Variants in CCDC18 observed in about 807,000 individuals in gnomAD.
CCDC18 encodes the protein coiled-coil domain-containing protein 18.
Under a neutral mutation model 196.0 loss-of-function variants are expected in CCDC18, and 157 were observed. The observed-to-expected ratio is 0.80, with a 90% CI of 0.70 to 0.91. CCDC18 has a LOEUF of 0.91. Ranked by LOEUF, CCDC18 falls within the 40% of genes least tolerant of loss-of-function variation. The pLI is 0.00. For missense variants in CCDC18, 1,465 were observed against 1,611.6 expected (o/e 0.91, Z 1.56); for synonymous variants, 482 against 529.2 (o/e 0.91, Z 1.22).
At chr1:93,275,177 A>G (rs529247032) in intron 28 of CCDC18, among the ~76,000 whole-genome samples, 97 of 152,036 alleles carry the variant, frequency 6.4e-4, no homozygotes, top group Non-Finnish European at 1.0e-4. Flanking sequence ...GTGGCACGAG[A>G]GCTCACTGCA....
intron 3 of CCDC18, among the ~76,000 whole-genome samples, chr1:93,184,676 T>G (rs1169772498): frequency 6.6e-6 from 1 of 151,884 alleles, no homozygotes; most frequent in African/African-American, 2.4e-5. Flanking sequence ...ACTCAACTCT[T>G]TTATCTCCTT....
intron 16 of CCDC18, among the ~76,000 whole-genome samples, chr1:93,224,925 T>G (rs896611252): frequency 6.6e-6 from 1 of 152,234 alleles, no homozygotes; most frequent in African/African-American, 2.4e-5. Context: ...ATAATTTTCA[T>G]AAAACAAATG....
intron 10 of CCDC18, among the ~76,000 whole-genome samples, chr1:93,211,363 C>T (rs1214019031): frequency 6.6e-6 from 1 of 151,344 alleles, no homozygotes; most frequent in Non-Finnish European, 1.5e-5. Flanking sequence ...TCTGTGATTC[C>T]ACAACTAAGA....
At chr1:93,238,038 G>T (rs1305065802) in intron 19 of CCDC18, among the ~76,000 whole-genome samples, 2 of 152,054 alleles carry the variant, frequency 1.3e-5, no homozygotes, top group Non-Finnish European at 2.9e-5. Flanking sequence ...ATGAAACTTT[G>T]AGGCATATAC....
chr1:93,188,961 C>T (rs1473000934), intron 4 of CCDC18, among the ~76,000 whole-genome samples: 3 of 152,080 alleles, frequency 2.0e-5, no homozygotes, highest in Non-Finnish European at 2.9e-5. Context: ...AGGCATTTAT[C>T]GTTTGTGTTA....
At chr1:93,278,407 G>C in intron 28 of CCDC18, 56 bp from the exon 29 acceptor site, 1 of 729,418 alleles carries the variant, frequency 1.4e-6, no homozygotes, top group Non-Finnish European at 2.1e-6. Flanking sequence ...GACTTTTAAT[G>C]CTAAATCAGT....
At chr1:93,253,534 T>C (rs1233540158) in intron 23 of CCDC18, among the ~76,000 whole-genome samples, 2 of 152,176 alleles carry the variant, frequency 1.3e-5, no homozygotes, top group African/African-American at 4.8e-5. Context: ...CAAGGAGGCT[T>C]AGACTCCTAG....
chr1:93,218,682 G>A (rs889070421), intron 14 of CCDC18, among the ~76,000 whole-genome samples: 1 of 152,042 alleles, frequency 6.6e-6, no homozygotes, highest in South Asian at 2.1e-4. Context: ...GCTAATTTTT[G>A]TATTTTTAGT....
chr1:93,237,492 T>G lies in CCDC18; in HGVS notation c.2603+1102T>G, dbSNP rs377352095. On this transcript the variant is annotated intron_variant, in intron 19 of 28. Transcript: ENST00000690025. Reference sequence around the variant, plus strand: ...CTTCTACTGTGCCTTTTGAACTTCATAATCCATTCTCTGTATTCACTACTT... The same window carrying G: ...CTTCTACTGTGCCTTTTGAACTTCAGAATCCATTCTCTGTATTCACTACTT... 8.2e-4 allele frequency among the ~76,000 whole-genome samples: 125 copies of G among 152,340 alleles called. 5 individuals are homozygous for G. In the South Asian group the frequency reaches 0.026, roughly 32 times the overall value.
At chr1:93,243,165 T>C (rs1365301032) in intron 21 of CCDC18, among the ~76,000 whole-genome samples, 1 of 152,234 alleles carries the variant, frequency 6.6e-6, no homozygotes, top group Non-Finnish European at 1.5e-5. Flanking sequence ...CATGAAGCCC[T>C]GCCTCAGCAG....
chr1:93,186,216 T>C (rs1650650044), intron 3 of CCDC18, 129 bp from the exon 4 acceptor site: 1 of 788,698 alleles, frequency 1.3e-6, no homozygotes, highest in East Asian at 2.7e-5. Context: ...CAATACTCAC[T>C]AAGTATTTTA....
intron 25 of CCDC18, among the ~76,000 whole-genome samples, chr1:93,257,227 A>G (rs1179398086): frequency 2.4e-5 from 2 of 85,088 alleles, no homozygotes; most frequent in Admixed American, 1.6e-4. Context: ...GCAAGACTCC[A>G]TCTCAAAAAA....
chr1:93,183,679 T>C (rs1484663334), intron 2 of CCDC18, among the ~76,000 whole-genome samples, 184 bp downstream of exon 2: 1 of 152,080 alleles, frequency 6.6e-6, no homozygotes, highest in Non-Finnish European at 1.5e-5. Flanking sequence ...CCTCTTTGCA[T>C]ATTAAAAACA....
intron 28 of CCDC18, among the ~76,000 whole-genome samples, chr1:93,275,084 A>G (rs1459843483): frequency 1.3e-5 from 2 of 152,098 alleles, no homozygotes; most frequent in Non-Finnish European, 2.9e-5. Context: ...ATAAATATAT[A>G]CTACTCTGTA....
chr1:93,214,231 AT>A (rs1557637056), intron 11 of CCDC18, among the ~76,000 whole-genome samples: 1 of 152,078 alleles, frequency 6.6e-6, no homozygotes, highest in South Asian at 2.1e-4. Context: ...ACCCTCAGTA[AT>A]TTTTTTTAAA....
intron 28 of CCDC18, among the ~76,000 whole-genome samples, chr1:93,272,153 G>GT: frequency 6.6e-6 from 1 of 152,108 alleles, no homozygotes; most frequent in Non-Finnish European, 1.5e-5. Flanking sequence ...TGTTGAGTGA[G>GT]TTTTTCTTCA....
intron 26 of CCDC18, among the ~76,000 whole-genome samples, chr1:93,259,237 G>T (rs1663452347): frequency 6.6e-6 from 1 of 152,118 alleles, no homozygotes; most frequent in Admixed American, 6.6e-5. Flanking sequence ...ATTTGTAAAA[G>T]ATTAACTGGA....
chr1:93,190,232 G>A (rs1445950781), intron 4 of CCDC18, among the ~76,000 whole-genome samples: 2 of 152,168 alleles, frequency 1.3e-5, no homozygotes, highest in African/African-American at 2.4e-5. Context: ...GCTCACGCCT[G>A]TAATTCCAGA....
At chr1:93,268,493 A>G (rs1664823449) in intron 27 of CCDC18, among the ~76,000 whole-genome samples, 1 of 152,176 alleles carries the variant, frequency 6.6e-6, no homozygotes, top group Admixed American at 6.5e-5. Flanking sequence ...TGAACAGGCA[A>G]CCTACAGAAT....
Sources: gnomAD v4.1 joint callset for allele counts (sites outside exome capture counted in the v4.1 genomes callset) on GRCh38, gnomAD v4.1.1 for gene constraint, MANE v1.5 for transcripts, NCBI Gene and HGNC (gene_info 2026-07-23, HGNC 2026-07-21) for gene names.